Variants in LRRTM4 observed in about 807,000 individuals in gnomAD.
LRRTM4 encodes leucine-rich repeat transmembrane neuronal protein 4.
Under a neutral mutation model 47.6 loss-of-function variants are expected in LRRTM4, and 25 were observed. The ratio of observed to expected loss-of-function variants is 0.53; its 90% confidence interval spans 0.38 to 0.73. The LOEUF is 0.73. LRRTM4 is among the 30% of genes least tolerant of loss of function. LRRTM4 has a pLI of 0.00. For missense variants in LRRTM4, 638 were observed against 713.4 expected (o/e 0.89, Z 1.20); for synonymous variants, 311 against 269.5 (o/e 1.15, Z -1.51).
intron 3 of LRRTM4, among the ~76,000 whole-genome samples, chr2:77,417,452 T>C (rs1412440261): frequency 6.6e-6 from 1 of 152,156 alleles, no homozygotes; most frequent in African/African-American, 2.4e-5. Flanking sequence ...CGTATGTTTA[T>C]TGCGACACTA....
chr2:76,960,586 C>T (rs1222348336), intron 3 of LRRTM4, among the ~76,000 whole-genome samples: 1 of 151,502 alleles, frequency 6.6e-6, no homozygotes, highest in Non-Finnish European at 1.5e-5. Flanking sequence ...TTAGCAAACA[C>T]ATGCATGTGT....
chr2:76,911,992 G>C (rs141041723), intron 3 of LRRTM4, among the ~76,000 whole-genome samples: 29 of 147,990 alleles, frequency 2.0e-4, no homozygotes, highest in African/African-American at 6.0e-4. Flanking sequence ...TGCAGTGGCC[G>C]ATCTCCACTC....
chr2:77,319,358 G>T (rs1290225441), intron 3 of LRRTM4, among the ~76,000 whole-genome samples: 2 of 151,678 alleles, frequency 1.3e-5, no homozygotes, highest in East Asian at 3.9e-4. Flanking sequence ...CTGCATTCCA[G>T]CCTAGGCTAC....
At chr2:77,482,220 A>G (rs2104020785) in intron 3 of LRRTM4, among the ~76,000 whole-genome samples, 1 of 152,302 alleles carries the variant, frequency 6.6e-6, no homozygotes, top group African/African-American at 2.4e-5. Flanking sequence ...CTTTTTTCCA[A>G]TATGATTTTG....
rs70939841 is a variant in LRRTM4 at position 77,052,150 on chromosome 2, C to CTTTTTTTTT, written c.1552-303243_1552-303235dup. Among the ~76,000 whole-genome samples, 16 of 63,596 alleles carry CTTTTTTTTT rather than the reference C, an allele frequency of 2.5e-4. 1 individual carries two copies. Among genetic ancestry groups the CTTTTTTTTT allele is most frequent in the African/African-American group, 9.6e-4 (14 of 14,594 alleles). 41.7% of individuals were successfully genotyped at this position (63,596 alleles called of 152,430 possible). A position where few individuals can be genotyped will look rare whatever the true frequency, so the allele number is the denominator to read the frequency against. On this transcript the variant is annotated intron_variant, in intron 3 of 3. Coordinates refer to ENST00000409884, the MANE Select transcript of LRRTM4 (RefSeq NM_001134745.3). ...GCAAAAAAAAATACCGTTACATTTC[C>CTTTTTTTTT]TTTTTTTTTTTTTTTTTTTTTTTGA...
intron 3 of LRRTM4, chr2:76,987,364 T>C (rs1328940506): frequency 6.6e-6 from 1 of 151,894 alleles, no homozygotes; most frequent in African/African-American, 2.4e-5. Context: ...AGAATTATCA[T>C]AATTGACCTT....
At chr2:77,075,378 A>G (rs866855091) in intron 3 of LRRTM4, among the ~76,000 whole-genome samples, 42 of 152,258 alleles carry the variant, frequency 2.8e-4, no homozygotes, top group Middle Eastern at 3.4e-3. Context: ...TAATTTTTAA[A>G]AAATTTCTTC....
At chr2:77,177,467 A>G (rs1226456301) in intron 3 of LRRTM4, among the ~76,000 whole-genome samples, 3 of 152,184 alleles carry the variant, frequency 2.0e-5, no homozygotes, top group Non-Finnish European at 2.9e-5. Flanking sequence ...TCTTCCCACC[A>G]TGCTCCATCC....
chr2:77,226,034 C>T (rs981906906), intron 3 of LRRTM4, among the ~76,000 whole-genome samples: 1 of 151,242 alleles, frequency 6.6e-6, no homozygotes, highest in Non-Finnish European at 1.5e-5. Context: ...AAAATATTGT[C>T]TAAAATGTAT....
chr2:77,448,401 T>C (rs1676134705), intron 3 of LRRTM4, among the ~76,000 whole-genome samples: 1 of 152,222 alleles, frequency 6.6e-6, no homozygotes, highest in Non-Finnish European at 1.5e-5. Flanking sequence ...CATCTTAAAT[T>C]ATTCTTTTGC....
intron 3 of LRRTM4, among the ~76,000 whole-genome samples, chr2:77,368,473 C>T (rs905029611): frequency 2.0e-5 from 3 of 151,558 alleles, no homozygotes; most frequent in African/African-American, 7.3e-5. Flanking sequence ...GCTTGATTAG[C>T]CTTCATTTAA....
chr2:77,096,540 C>T lies in LRRTM4; in HGVS notation c.1552-347624G>A, dbSNP rs144984579. 9.3e-5 allele frequency among the ~76,000 whole-genome samples: 14 copies of T among 151,010 alleles called. No individual in the cohort carries two copies. The East Asian group carries it at 1.2e-3, about 13-fold the overall frequency. ...ATAATAAAATGTCTATATTAAAAGTCGAGAATAAAAGACAAAATGAGAGTT... is the reference window on the plus strand; with the variant it reads ...ATAATAAAATGTCTATATTAAAAGTTGAGAATAAAAGACAAAATGAGAGTT... On this transcript the variant is annotated intron_variant, in intron 3 of 3. Coordinates refer to ENST00000409884, the MANE Select transcript of LRRTM4 (RefSeq NM_001134745.3).
intron 3 of LRRTM4, among the ~76,000 whole-genome samples, chr2:76,778,494 T>G (rs1465803890): frequency 6.7e-6 from 1 of 148,810 alleles, no homozygotes; most frequent in Non-Finnish European, 1.5e-5. Flanking sequence ...CTTGGGAGAG[T>G]GTATGTGTCG....
intron 3 of LRRTM4, among the ~76,000 whole-genome samples, chr2:76,999,024 T>C (rs1021821365): frequency 6.6e-6 from 1 of 152,130 alleles, no homozygotes; most frequent in African/African-American, 2.4e-5. Flanking sequence ...TGCAGACTCC[T>C]GGGTCTCATC....
chr2:77,318,002 T>TC (rs1221169746), intron 3 of LRRTM4, among the ~76,000 whole-genome samples: 1 of 89,250 alleles, frequency 1.1e-5, no homozygotes, highest in African/African-American at 4.3e-5. Flanking sequence ...TCCTAACACT[T>TC]TTTTTTTTTT....
chr2:77,271,941 T>C (rs1208295159), intron 3 of LRRTM4, among the ~76,000 whole-genome samples: 2 of 152,210 alleles, frequency 1.3e-5, no homozygotes, highest in African/African-American at 2.4e-5. Flanking sequence ...TCTTTGACTA[T>C]GTCGTGTTGT....
intron 3 of LRRTM4, among the ~76,000 whole-genome samples, chr2:77,016,108 C>A (rs1346065692): frequency 6.6e-6 from 1 of 151,692 alleles, no homozygotes; most frequent in African/African-American, 2.4e-5. Context: ...AAACAAAAAT[C>A]CGGGAGCAGT....
chr2:76,798,429 T>C (rs1422799050), intron 3 of LRRTM4, among the ~76,000 whole-genome samples: 1 of 150,722 alleles, frequency 6.6e-6, no homozygotes, highest in Non-Finnish European at 1.5e-5. Flanking sequence ...CATACCAGAA[T>C]CTCTGGGACG....
intron 3 of LRRTM4, among the ~76,000 whole-genome samples, chr2:76,756,600 T>C (rs1175553502): frequency 6.6e-6 from 1 of 152,174 alleles, no homozygotes; most frequent in Non-Finnish European, 1.5e-5. Flanking sequence ...ACTGTTTTAT[T>C]TCTTGTTCAT....
Sources: gnomAD v4.1 joint callset for allele counts (sites outside exome capture counted in the v4.1 genomes callset) on GRCh38, gnomAD v4.1.1 for gene constraint, MANE v1.5 for transcripts, NCBI Gene and HGNC (gene_info 2026-07-23, HGNC 2026-07-21) for gene names.